Variants in SETX observed in about 807,000 individuals in gnomAD.
SETX encodes the protein senataxin.
In SETX, 90 loss-of-function variants were observed where a neutral mutation model predicts 227.2. The ratio of observed to expected loss-of-function variants is 0.40; its 90% CI spans 0.33 to 0.47. SETX has a LOEUF of 0.47. Ranked by LOEUF, SETX falls within the 20% of genes least tolerant of loss-of-function variation. The pLI, the probability that SETX is intolerant of heterozygous loss-of-function variation, is 0.91. For synonymous variants in SETX, 1,210 were observed against 1,113.2 expected, an observed-to-expected ratio of 1.09 and a Z score of -1.73; for missense variants, 3,052 against 3,181.5, an observed-to-expected ratio of 0.96 and a Z score of 0.98.
At position 132,326,521 on chromosome 9, in the gene SETX, A is replaced by C; in HGVS notation, c.5077T>G (p.Ser1693Ala). ...PSSSPVNILL[S>A]SQSVSDTFVK... ...AAGGTGTCAGAGACAGACTGTGATG[A>C]CAAAAGAATGTTTACTGGAGAGGAA... is the stretch of plus-strand genomic sequence containing the variant. The change falls in exon 10 of 26, where the codon TCA becomes GCA. Residue 1693 changes from serine to alanine, a missense_variant. Transcript: ENST00000224140. 1 of 1,614,232 alleles carries C rather than the reference A, an allele frequency of 6.2e-7. No individual in the cohort carries two copies. The highest frequency in any genetic ancestry group is 8.5e-7 in the Non-Finnish European group (1 of 1,180,044).
intron 25 of SETX, among the ~76,000 whole-genome samples, chr9:132,268,208 A>G (rs1201625887): frequency 1.3e-5 from 2 of 152,238 alleles, no homozygotes; most frequent in East Asian, 1.9e-4. Context: ...AGTTGCAAGG[A>G]AAGTACTGAG....
intron 10 of SETX, among the ~76,000 whole-genome samples, chr9:132,325,739 C>G (rs1037673926): frequency 6.6e-6 from 1 of 151,972 alleles, no homozygotes; most frequent in Non-Finnish European, 1.5e-5. Context: ...TCAAGACCAG[C>G]CTGACCAACA....
chr9:132,341,747 C>T (rs1847982739), intron 5 of SETX, among the ~76,000 whole-genome samples: 2 of 152,176 alleles, frequency 1.3e-5, no homozygotes, highest in Non-Finnish European at 2.9e-5. Flanking sequence ...GTTTGGAGTG[C>T]AGAGTTTGGC....
rs190998263 is a variant in SETX at position 132,285,912 on chromosome 9, G to T, written c.6396+511C>A. The stretch of plus-strand genomic sequence containing the variant: ...AAAAACACAAAAGAGGCCAGGTGTG[G>T]TGCCTCACGCCTGTAATCCCAGCAC... On this transcript the variant is annotated intron_variant, in intron 18 of 25. Coordinates refer to ENST00000224140, the MANE Select transcript of SETX (RefSeq NM_015046.7). 1.1e-3 allele frequency among the ~76,000 whole-genome samples: 164 copies of T among 149,728 alleles called. 1 individual carries two copies. The highest frequency in any genetic ancestry group is 8.2e-3 in the Admixed American group (123 of 15,018).
At chr9:132,270,938 G>A (rs1170478969) in intron 24 of SETX, among the ~76,000 whole-genome samples, 1 of 152,176 alleles carries the variant, frequency 6.6e-6, no homozygotes. Context: ...TCCCAGGGAG[G>A]GGCAAAGATT....
At position 132,323,585 on chromosome 9, in the gene SETX, C is replaced by T. The variant is rs186544938; in HGVS notation, c.5274+2739G>A. Among the ~76,000 whole-genome samples, 383 of 152,032 alleles carry T rather than the reference C, an allele frequency of 2.5e-3. 1 individual carries two copies. Among genetic ancestry groups the T allele is most frequent in the African/African-American group, 8.9e-3 (367 of 41,452 alleles). On this transcript the variant is annotated intron_variant, in intron 10 of 25. Coordinates refer to ENST00000224140, the MANE Select transcript of SETX (RefSeq NM_015046.7). ...CTAAAACTGAAAAATCAAGGAGTTA[C>T]AATATGGACATGTTATTCAGAAATA...
intron 25 of SETX, chr9:132,269,268 TG>T: frequency 1.9e-6 from 1 of 518,020 alleles, no homozygotes; most frequent in Non-Finnish European, 3.1e-6. Flanking sequence ...GGCATTAAGC[TG>T]GGCCAATAAC....
intron 10 of SETX, among the ~76,000 whole-genome samples, chr9:132,318,566 T>TA (rs1846137383): frequency 6.6e-6 from 1 of 152,162 alleles, no homozygotes; most frequent in Non-Finnish European, 1.5e-5. Flanking sequence ...ATTTCAGTAT[T>TA]ACAATCTCTA....
At chr9:132,315,406 C>G (rs1845908546) in intron 10 of SETX, among the ~76,000 whole-genome samples, 1 of 152,162 alleles carries the variant, frequency 6.6e-6, no homozygotes, top group South Asian at 2.1e-4. Flanking sequence ...AAGGCAAACT[C>G]ACTGATTTCT....
At chr9:132,350,911 A>C (rs1848569936) in intron 2 of SETX, among the ~76,000 whole-genome samples, 1 of 152,202 alleles carries the variant, frequency 6.6e-6, no homozygotes, top group Non-Finnish European at 1.5e-5. Context: ...GTGGGGGGGA[A>C]AAAGAGTATG....
In SETX at chr9:132,295,048, G is replaced by C. The variant is rs540515674; in HGVS notation, c.6106+824C>G. Among the ~76,000 whole-genome samples, 12 of 152,290 alleles carry C rather than the reference G, an allele frequency of 7.9e-5. 1 individual carries two copies. In the South Asian group the frequency reaches 2.1e-3, roughly 26 times the overall value. On this transcript the variant is annotated intron_variant, in intron 15 of 25. Coordinates refer to ENST00000224140, the MANE Select transcript of SETX (RefSeq NM_015046.7). The stretch of plus-strand genomic sequence containing the variant: ...AAGACAAGACATATGAGCTTGGAAA[G>C]GTCATCAAATACAAAGCCATAACTA...
At chr9:132,333,383 G>GAAA (rs1239660225) in intron 7 of SETX, among the ~76,000 whole-genome samples, 2 of 7,346 alleles carry the variant, frequency 2.7e-4, no homozygotes, top group East Asian at 2.4e-3. Context: ...GTCTCAAAAA[G>GAAA]AAAAAAAAAA....
In SETX at chr9:132,300,780, C is replaced by T. The variant is rs767990727; in HGVS notation, c.5398G>A (p.Ala1800Thr). Residue 1800 changes from alanine to threonine, a missense_variant, in exon 12 of 26, where the codon GCT becomes ACT. By Grantham distance (58) the Ala-to-Thr change is moderately conservative. This residue lies in a region of SETX where 239 missense variants were observed against 272.1 expected (regional missense o/e 0.88). Transcript: ENST00000224140. ...TTTTCCTTTGGATAAAGCTGTTTAG[C>T]CAGTTCACATTCTTCCAGATAAACT... ...FAVYLEECEL[A>T]KQLYPKENDL... 8 of 1,613,094 alleles carry T rather than the reference C, an allele frequency of 5.0e-6. No homozygotes were observed. The East Asian group carries it at 1.6e-4, about 32-fold the overall frequency.
chr9:132,333,406 A>ATATATAT lies in SETX; in HGVS notation c.838+1201_838+1202insATATATA, dbSNP rs1417555956. ...AAGAAAAAAAAAAAAAAGAAAAAAA[A>ATATATAT]AAATATATATACACACACACACACA... On this transcript the variant is annotated intron_variant, in intron 7 of 25. Coordinates refer to ENST00000224140, the MANE Select transcript of SETX (RefSeq NM_015046.7). Among the ~76,000 whole-genome samples, 34 of 64,832 alleles carry ATATATAT rather than the reference A, an allele frequency of 5.2e-4. 3 individuals carry two copies. Among genetic ancestry groups the ATATATAT allele is most frequent in the African/African-American group, 1.3e-3 (19 of 15,054 alleles). 42.5% of individuals were successfully genotyped at this position (64,832 alleles called of 152,430 possible). A position where few individuals can be genotyped will look rare whatever the true frequency, so the allele number is the denominator to read the frequency against.
chr9:132,298,160 G>A lies in SETX; in HGVS notation c.5701C>T (p.Gln1901Ter), dbSNP rs1203533731. ...KAMSLLGSRN[Q>*]LARAVLNPNP... ...GGATTCAGAACAGCTCTAGCCAGTT[G>A]GTTCCGACTACCCAACAGAGACATG... The change falls in exon 13 of 26, where the codon CAA becomes TAA. Residue 1901 changes from glutamine (Q) to a stop codon, truncating the protein, a stop_gained. Coordinates refer to ENST00000224140, the MANE Select transcript of SETX (RefSeq NM_015046.7). LOFTEE classifies it high-confidence loss of function. 1 of 1,614,012 alleles carries A rather than the reference G, an allele frequency of 6.2e-7. No individual in the cohort carries two copies. The highest frequency in any genetic ancestry group is 8.5e-7 in the Non-Finnish European group (1 of 1,179,986).
intron 6 of SETX, among the ~76,000 whole-genome samples, chr9:132,335,049 C>T (rs1348943760): frequency 6.6e-6 from 1 of 151,984 alleles, no homozygotes; most frequent in African/African-American, 2.4e-5. Flanking sequence ...AAAATCACTG[C>T]CATTTATGAC....
At chr9:132,296,428 C>G (rs997159912) in intron 14 of SETX, among the ~76,000 whole-genome samples, 1 of 152,078 alleles carries the variant, frequency 6.6e-6, no homozygotes, top group Non-Finnish European at 1.5e-5. Flanking sequence ...TGGTGTACGC[C>G]TGTAATCCCA....
At position 132,348,696 on chromosome 9, in the gene SETX, C is replaced by T. The variant is rs147804038; in HGVS notation, c.177+556G>A. Among the ~76,000 whole-genome samples, 50 of 151,876 alleles carry T rather than the reference C, an allele frequency of 3.3e-4. 1 individual carries two copies. The East Asian group carries it at 9.3e-3, about 28-fold the overall frequency. On this transcript the variant is annotated intron_variant, in intron 3 of 25. Coordinates refer to ENST00000224140, the MANE Select transcript of SETX (RefSeq NM_015046.7). ...TAATTCCAACACTGGGGGGCCAAAC[C>T]GGAAGGATCACTTGAGCTCAGGAGT...
chr9:132,335,432 A>G (rs544106706), intron 6 of SETX, among the ~76,000 whole-genome samples: 38 of 151,010 alleles, frequency 2.5e-4, no homozygotes, highest in African/African-American at 8.3e-4. Context: ...TTGAGCCACA[A>G]TAGGACTTGT....
Sources: gnomAD v4.1 joint callset for allele counts (sites outside exome capture counted in the v4.1 genomes callset) on GRCh38, gnomAD v4.1.1 for gene constraint, gnomAD v4.1.1 regional missense constraint, MANE v1.5 for transcripts, NCBI Gene and HGNC (gene_info 2026-07-23, HGNC 2026-07-21) for gene names.